TENT4B: variants seen among roughly 807,000 people sequenced by gnomAD.
TENT4B encodes the protein PAP associated domain containing 5.
A neutral mutation model predicts 75.0 loss-of-function variants in TENT4B; 10 were observed. That is an observed-to-expected ratio of 0.13 (90% CI 0.08 to 0.23). TENT4B has a LOEUF of 0.23. Ranked by LOEUF, TENT4B falls within the 10% of genes least tolerant of loss-of-function variation. TENT4B has a pLI of 1.00. For missense variants in TENT4B, 579 were observed against 893.8 expected, an observed-to-expected ratio of 0.65 and a Z score of 4.49; for synonymous variants, 350 against 357.7, an observed-to-expected ratio of 0.98 and a Z score of 0.24.
At chr16:50,207,542 C>CAT (rs2031050651) in intron 1 of TENT4B, among the ~76,000 whole-genome samples, 1 of 152,116 alleles carries the variant, frequency 6.6e-6, no homozygotes, top group East Asian at 1.9e-4. Context: ...ATTTTGGGTA[C>CAT]ATACAGGTTC....
intron 1 of TENT4B, among the ~76,000 whole-genome samples, chr16:50,155,275 G>GTGTGTGTGTGTA (rs2037874250): frequency 6.8e-6 from 1 of 147,758 alleles, no homozygotes; most frequent in African/African-American, 2.5e-5. Flanking sequence ...TCTCGTGGGT[G>GTGTGTGTGTGTA]TGTGTGTGTG....
rs754575836 is a variant in TENT4B, at chr16:50,223,316, A to C, written c.1310A>C (p.Asp437Ala). The stretch of plus-strand genomic sequence containing the variant: ...GATGGTGGTTCATATGTGGCCAAAG[A>C]TGAAGTACAGAAAAATATGCTAGAT... Reference protein sequence around the residue: ...IKDGGSYVAKDEVQKNMLDGY... With the variant: ...IKDGGSYVAKAEVQKNMLDGY... Residue 437 changes from aspartate (D) to alanine (A), a missense_variant, in exon 7 of 12, where the codon GAT becomes GCT. Transcript: ENST00000561678. 1 of 1,613,930 alleles carries C rather than the reference A, an allele frequency of 6.2e-7. No individual in the cohort carries two copies. Among genetic ancestry groups the C allele is most frequent in the Non-Finnish European group, 8.5e-7 (1 of 1,179,854 alleles).
In TENT4B at chr16:50,229,214, C is replaced by T; in HGVS notation, c.2028C>T (p.Ser676=). ...GCTTCCAAGGTACAACTCAAACAAG[C>T]CATGGTTCCTTGATGACAAACAAAC... The part of the protein sequence containing the change: ...SKGFQGTTQT[S]HGSLMTNKQH... Residue 676 remains serine (S), a synonymous_variant, in exon 12 of 12, where the codon AGC becomes AGT. Coordinates refer to ENST00000561678, the MANE Select transcript of TENT4B (RefSeq NM_001365324.3). The T allele has an allele frequency of 6.2e-7, 1 of 1,613,902 alleles. No individual in the cohort carries two copies. Among genetic ancestry groups the T allele is most frequent in the Non-Finnish European group, 8.5e-7 (1 of 1,179,868 alleles).
intron 5 of TENT4B, among the ~76,000 whole-genome samples, chr16:50,219,113 T>C (rs1245788412): frequency 6.6e-6 from 1 of 152,136 alleles, no homozygotes; most frequent in Non-Finnish European, 1.5e-5. Context: ...TGTGTGTCTG[T>C]CTAATATTTT....
At chr16:50,163,449 G>T (rs1199182681) in intron 1 of TENT4B, among the ~76,000 whole-genome samples, 1 of 138,508 alleles carries the variant, frequency 7.2e-6, no homozygotes, top group Non-Finnish European at 1.5e-5. Flanking sequence ...ATGGAGTCTC[G>T]CTCTGTCGCC....
At chr16:50,191,851 G>A (rs2038646310) in intron 1 of TENT4B, among the ~76,000 whole-genome samples, 1 of 152,114 alleles carries the variant, frequency 6.6e-6, no homozygotes, top group African/African-American at 2.4e-5. Context: ...CCTGGGAGGC[G>A]GAGGTTGCGG....
intron 1 of TENT4B, among the ~76,000 whole-genome samples, chr16:50,194,229 T>C (rs1157088396): frequency 2.0e-5 from 3 of 149,818 alleles, no homozygotes; most frequent in Non-Finnish European, 4.5e-5. Flanking sequence ...TTTTTTTTTT[T>C]CTCTGAGACG....
upstream of TENT4B, chr16:50,152,998 A>G (rs2037787783): frequency 6.6e-7 from 1 of 1,516,498 alleles, no homozygotes; most frequent in South Asian, 1.2e-5. Flanking sequence ...GAGGCGGAGA[A>G]GCCGCGCGCG....
intron 1 of TENT4B, among the ~76,000 whole-genome samples, chr16:50,208,588 T>C (rs933622671): frequency 6.6e-6 from 1 of 152,204 alleles, no homozygotes; most frequent in East Asian, 1.9e-4. Flanking sequence ...ACAGAACATA[T>C]GCATTGCACA....
intron 1 of TENT4B, among the ~76,000 whole-genome samples, chr16:50,154,700 G>A (rs1419297522): frequency 6.6e-6 from 1 of 152,140 alleles, no homozygotes; most frequent in Non-Finnish European, 1.5e-5. Flanking sequence ...ACATTGGTGT[G>A]TGAGTGTTTT....
chr16:50,153,868 A>C lies in TENT4B; in HGVS notation c.247A>C (p.Met83Leu). ...ASAPAPAPAG[M>L]YRSGERLLGS... ...GGCCCCGGCCCCGGCCCCGGCCGGC[A>C]TGTATCGCTCCGGGGAGCGCCTGCT... The change falls in exon 1 of 12, where the codon ATG becomes CTG. Residue 83 changes from methionine (M) to leucine (L), a missense_variant. Met to Leu is a conservative substitution (Grantham distance 15). Transcript: ENST00000561678. The C allele has an allele frequency of 6.7e-7, 1 of 1,484,604 alleles. No homozygotes were observed. Among genetic ancestry groups the C allele is most frequent in the Non-Finnish European group, 8.9e-7 (1 of 1,124,486 alleles). 92.0% of individuals were successfully genotyped at this position (1,484,604 alleles called of 1,614,324 possible). A position where few individuals can be genotyped will look rare whatever the true frequency, so the allele number is the denominator to read the frequency against.
chr16:50,172,677 A>C lies in TENT4B; in HGVS notation c.638+18418A>C, dbSNP rs140000461. Among the ~76,000 whole-genome samples, 26 of 152,132 alleles carry C rather than the reference A, an allele frequency of 1.7e-4. No homozygotes were observed. In the East Asian group the frequency reaches 4.8e-3, roughly 28 times the overall value. On this transcript the variant is annotated intron_variant, in intron 1 of 11. Coordinates refer to ENST00000561678, the MANE Select transcript of TENT4B (RefSeq NM_001365324.3). ...TACATTACTGTTAACTAAGGTCCGTAATTTACTTTAGAGTTCACTCTTGGT... is the reference window on the plus strand; with the variant it reads ...TACATTACTGTTAACTAAGGTCCGTCATTTACTTTAGAGTTCACTCTTGGT...
chr16:50,157,339 C>T (rs898306663), intron 1 of TENT4B, among the ~76,000 whole-genome samples: 4 of 152,180 alleles, frequency 2.6e-5, no homozygotes, highest in African/African-American at 9.6e-5. Context: ...TTGGTTTCTC[C>T]TCTGAACTCT....
At chr16:50,155,208 C>T (rs1229193638) in intron 1 of TENT4B, among the ~76,000 whole-genome samples, 1 of 151,298 alleles carries the variant, frequency 6.6e-6, no homozygotes, top group African/African-American at 2.4e-5. Context: ...TCAGAAGAGT[C>T]CCTGTGCTGG....
intron 1 of TENT4B, among the ~76,000 whole-genome samples, chr16:50,192,232 C>CAAA (rs35218799): frequency 4.6e-5 from 6 of 129,566 alleles, no homozygotes; most frequent in African/African-American, 1.4e-4. Context: ...GACTCTGTCT[C>CAAA]AAAAAAAAAA....
chr16:50,160,391 G>C (rs1347759499), intron 1 of TENT4B, among the ~76,000 whole-genome samples: 1 of 152,112 alleles, frequency 6.6e-6, no homozygotes, highest in African/African-American at 2.4e-5. Flanking sequence ...ACTTTTTGGA[G>C]TCTGTCTACC....
intron 1 of TENT4B, among the ~76,000 whole-genome samples, chr16:50,185,442 TGAGGAGG>T (rs1394306851): frequency 6.6e-6 from 1 of 152,098 alleles, no homozygotes; most frequent in Non-Finnish European, 1.5e-5. Flanking sequence ...CTTAGATCTG[TGAGGAGG>T]GAGGAGGGAA....
chr16:50,164,480 T>A (rs1053073270), intron 1 of TENT4B, among the ~76,000 whole-genome samples: 50 of 151,892 alleles, frequency 3.3e-4, no homozygotes, highest in African/African-American at 1.1e-3. Context: ...GGCTAATTTT[T>A]GTATTTTTAG....
At chr16:50,212,029 C>T (rs1313969574) in intron 2 of TENT4B, among the ~76,000 whole-genome samples, 1 of 152,098 alleles carries the variant, frequency 6.6e-6, no homozygotes. Flanking sequence ...TTCTTCTTGG[C>T]TTATTTGTCG....
Sources: gnomAD v4.1 joint callset for allele counts (sites outside exome capture counted in the v4.1 genomes callset) on GRCh38, gnomAD v4.1.1 for gene constraint, MANE v1.5 for transcripts, NCBI Gene and HGNC (gene_info 2026-07-23, HGNC 2026-07-21) for gene names.